SNTG2: variants seen among roughly 807,000 people sequenced by gnomAD.
SNTG2 encodes syntrophin gamma 2, also known as gamma-2-syntrophin.
In SNTG2, 74 loss-of-function variants were observed where a neutral mutation model predicts 70.9. The observed-to-expected ratio is 1.04, with a 90% CI of 0.86 to 1.27. The LOEUF (loss-of-function observed/expected upper bound fraction) is 1.27. Ranked by LOEUF, SNTG2 falls within the 50% of genes most tolerant of loss-of-function variation. The probability of loss-of-function intolerance (pLI) is 0.00; values close to 1 mark genes in which losing one functional copy is unlikely to be tolerated. For missense variants in SNTG2, 717 were observed against 690.7 expected, an observed-to-expected ratio of 1.04 and a Z score of -0.43; for synonymous variants, 278 against 273.8, an observed-to-expected ratio of 1.02 and a Z score of -0.15.
At chr2:976,193 T>G (rs568471706) in intron 1 of SNTG2, among the ~76,000 whole-genome samples, 50 of 152,358 alleles carry the variant, frequency 3.3e-4, no homozygotes, top group Non-Finnish European at 5.7e-4. Context: ...GCAATTCATA[T>G]TCAAGGTAAA....
rs1675150699 is a variant in SNTG2 at position 1,222,073 on chromosome 2, G to GTCTCTGTTTC, written c.719+12850_719+12851insTTCTCTCTGT. Among the ~76,000 whole-genome samples the GTCTCTGTTTC allele has an allele frequency of 6.5e-4, 3 of 4,634 alleles. 1 individual carries two copies. The highest frequency in any genetic ancestry group is 3.1e-3 in the African/African-American group (3 of 956). The allele number at this position is 4,634 out of a possible 152,430, so 3.0% of individuals were successfully genotyped here. ...TCTCTCTCTGTCTCTGTTTCTCTCT[G>GTCTCTGTTTC]TCTCTGTCTCTGTCTCTCTCTGTCT... On this transcript the variant is annotated intron_variant, in intron 9 of 16. Transcript: ENST00000308624.
At chr2:1,215,203 GT>G (rs1674299703) in intron 9 of SNTG2, among the ~76,000 whole-genome samples, 1 of 152,078 alleles carries the variant, frequency 6.6e-6, no homozygotes, top group African/African-American at 2.4e-5. Flanking sequence ...TTTGTTTCTT[GT>G]AAGGTTCTCA....
At chr2:981,758 A>G (rs1661105903) in intron 1 of SNTG2, among the ~76,000 whole-genome samples, 1 of 152,236 alleles carries the variant, frequency 6.6e-6, no homozygotes, top group Non-Finnish European at 1.5e-5. Flanking sequence ...CTACATGAAC[A>G]TGAGTACACA....
chr2:1,297,361 A>G (rs1332237687), intron 14 of SNTG2, among the ~76,000 whole-genome samples: 2 of 152,208 alleles, frequency 1.3e-5, no homozygotes, highest in Non-Finnish European at 2.9e-5. Flanking sequence ...GCCATCTGAT[A>G]TTTGGTACTT....
chr2:1,071,051 G>A (rs1663503812), intron 1 of SNTG2, among the ~76,000 whole-genome samples: 1 of 152,194 alleles, frequency 6.6e-6, no homozygotes, highest in Non-Finnish European at 1.5e-5. Flanking sequence ...CAGTGGGACT[G>A]GTGCAGAGGA....
At chr2:1,194,641 A>G (rs1039430102) in intron 8 of SNTG2, among the ~76,000 whole-genome samples, 3 of 152,196 alleles carry the variant, frequency 2.0e-5, no homozygotes, top group Non-Finnish European at 4.4e-5. Context: ...CTCTAAAATT[A>G]TACTAAAATT....
At chr2:1,237,164 A>C (rs1328806764) in intron 9 of SNTG2, among the ~76,000 whole-genome samples, 1 of 151,964 alleles carries the variant, frequency 6.6e-6, no homozygotes, top group Admixed American at 6.6e-5. Flanking sequence ...GCTGATTTCG[A>C]ACTCCTGACC....
intron 9 of SNTG2, among the ~76,000 whole-genome samples, chr2:1,224,791 G>A (rs1341038885): frequency 2.6e-5 from 4 of 152,152 alleles, no homozygotes; most frequent in Middle Eastern, 3.2e-3. Context: ...ATCGGGGCTC[G>A]CCTCACTCTA....
intron 14 of SNTG2, 87 bp from the exon 15 acceptor site, chr2:1,308,407 C>A: frequency 1.6e-6 from 2 of 1,240,366 alleles, no homozygotes; most frequent in Non-Finnish European, 1.1e-6. Context: ...AATTTTTGAC[C>A]AAAGGGGGGT....
At chr2:1,103,006 A>C (rs1301115267) in intron 4 of SNTG2, among the ~76,000 whole-genome samples, 2 of 152,216 alleles carry the variant, frequency 1.3e-5, no homozygotes, top group Admixed American at 6.5e-5. Context: ...GCCTGCGTGC[A>C]GGATTCCACA....
At chr2:1,279,236 G>C (rs554154855) in intron 14 of SNTG2, among the ~76,000 whole-genome samples, 6 of 152,338 alleles carry the variant, frequency 3.9e-5, no homozygotes, top group Non-Finnish European at 8.8e-5. Flanking sequence ...TGCAGTGCTT[G>C]TATTCAAGTC....
intron 9 of SNTG2, among the ~76,000 whole-genome samples, chr2:1,231,416 T>C (rs1676237023): frequency 6.6e-6 from 1 of 152,206 alleles, no homozygotes; most frequent in Admixed American, 6.5e-5. Flanking sequence ...CTTTATTTAG[T>C]TCTCTGTTGT....
chr2:1,147,886 T>C (rs777241711), intron 6 of SNTG2, among the ~76,000 whole-genome samples: 1 of 152,238 alleles, frequency 6.6e-6, no homozygotes, highest in Non-Finnish European at 1.5e-5. Context: ...TAACCATTAA[T>C]TTTAAGTATA....
chr2:1,342,045 G>A (rs1041486610), intron 16 of SNTG2, among the ~76,000 whole-genome samples: 4 of 152,030 alleles, frequency 2.6e-5, no homozygotes, highest in Non-Finnish European at 5.9e-5. Flanking sequence ...ACATGCTGTA[G>A]CCTGGGACTT....
At chr2:1,047,397 G>A (rs1469642659) in intron 1 of SNTG2, among the ~76,000 whole-genome samples, 3 of 152,194 alleles carry the variant, frequency 2.0e-5, no homozygotes, top group African/African-American at 7.2e-5. Flanking sequence ...GGAACCTCAT[G>A]TGGGGCTTTA....
At chr2:1,106,738 A>G (rs1479153033) in intron 4 of SNTG2, among the ~76,000 whole-genome samples, 4,687 of 42,634 alleles carry the variant, frequency 0.11, no homozygotes, top group Admixed American at 0.14. Flanking sequence ...GAGCTCCTTG[A>G]TAATAATGGA....
At chr2:1,019,893 A>T (rs917023504) in intron 1 of SNTG2, among the ~76,000 whole-genome samples, 1 of 152,066 alleles carries the variant, frequency 6.6e-6, no homozygotes, top group Non-Finnish European at 1.5e-5. Context: ...AAAAAGAAAA[A>T]TTAGCCGGGT....
intron 4 of SNTG2, among the ~76,000 whole-genome samples, chr2:1,105,008 C>A (rs73172922): frequency 0.012 from 1,889 of 152,316 alleles, 34 homozygotes; most frequent in African/African-American, 0.042. Context: ...TCATGGTATT[C>A]CTTCATTTCC....
In SNTG2 at chr2:951,021, C is replaced by A; in HGVS notation, c.25C>A (p.Pro9Thr). Residue 9 changes from proline to threonine, a missense_variant, in exon 1 of 17, where the codon CCG becomes ACG. By Grantham distance (38) the Pro-to-Thr change is conservative. Coordinates refer to ENST00000308624, the MANE Select transcript of SNTG2 (RefSeq NM_018968.4). The part of the protein sequence containing the change: MGTEGPPP[P>T]AASRGRQGCL... ...GATGGGCACCGAGGGACCCCCGCCC[C>A]CGGCCGCCTCCCGCGGACGCCAGGG... 7.9e-7 allele frequency: 1 copy of A among 1,265,950 alleles called. No individual in the cohort carries two copies. Among genetic ancestry groups the A allele is most frequent in the Non-Finnish European group, 9.9e-7 (1 of 1,008,764 alleles). 78.4% of individuals were successfully genotyped at this position (1,265,950 alleles called of 1,614,324 possible).
Sources: allele counts gnomAD v4.1 joint callset (sites outside exome capture counted in the v4.1 genomes callset), GRCh38; gene constraint gnomAD v4.1.1; transcripts MANE v1.5; gene names NCBI Gene and HGNC (gene_info 2026-07-23, HGNC 2026-07-21).